L1TD1: variants seen among roughly 807,000 people sequenced by gnomAD.
The protein encoded by L1TD1 is LINE-1 type transposase domain-containing protein 1.
L1TD1 carries 26 observed loss-of-function variants against 25.7 expected under a neutral mutation model. That is an observed-to-expected ratio of 1.01 (90% CI 0.74 to 1.40). The LOEUF (loss-of-function observed/expected upper bound fraction) is 1.40. Ranked by LOEUF, L1TD1 falls within the 40% of genes most tolerant of loss-of-function variation. The pLI, the probability that L1TD1 is intolerant of heterozygous loss-of-function variation, is 0.00. For missense variants in L1TD1, 1,130 were observed against 975.0 expected (o/e 1.16, Z -2.12); for synonymous variants, 421 against 335.6 (o/e 1.25, Z -2.78).
intron 2 of L1TD1, among the ~76,000 whole-genome samples, chr1:62,198,640 G>T (rs1195038680): frequency 6.6e-6 from 1 of 152,036 alleles, no homozygotes; most frequent in African/African-American, 2.4e-5. Flanking sequence ...CCAAGGCAAT[G>T]CAAATCAACA....
chr1:62,198,360 T>A (rs1288182927), intron 2 of L1TD1, among the ~76,000 whole-genome samples: 3 of 146,516 alleles, frequency 2.0e-5, no homozygotes, highest in African/African-American at 7.4e-5. Context: ...CACCTGTACG[T>A]TGTGAGAGAT....
Position 62,211,788 on chromosome 1 carries a change from AC to A in L1TD1, c.*420del. On this transcript the variant is annotated 3_prime_UTR_variant, in exon 4 of 4. Transcript: ENST00000498273. Reference sequence around the variant, plus strand: ...AGACCATCCTGGCTAACACAGTGAAACCCCGTCTCTACTAAAAATAAAAAAA... The same window carrying A: ...AGACCATCCTGGCTAACACAGTGAAACCCGTCTCTACTAAAAATAAAAAAA... The A allele has an allele frequency of 6.6e-6, 1 of 151,926 alleles. No individual in the cohort carries two copies. Among genetic ancestry groups the A allele is most frequent in the African/African-American group, 2.5e-5 (1 of 40,684 alleles). 9.4% of individuals were successfully genotyped at this position (151,926 alleles called of 1,614,324 possible). A position where few individuals can be genotyped will look rare whatever the true frequency, so the allele number is the denominator to read the frequency against.
At chr1:62,195,416 A>G (rs1362053946) in intron 1 of L1TD1, among the ~76,000 whole-genome samples, 1 of 152,270 alleles carries the variant, frequency 6.6e-6, no homozygotes, top group Admixed American at 6.5e-5. Context: ...GAAAAAATAA[A>G]GTCAAGAAAA....
intron 1 of L1TD1, among the ~76,000 whole-genome samples, chr1:62,195,607 C>T (rs944996670): frequency 2.0e-5 from 3 of 151,974 alleles, no homozygotes; most frequent in Non-Finnish European, 4.4e-5. Flanking sequence ...ACAAAATTAG[C>T]CAGGCGTGGT....
intron 2 of L1TD1, among the ~76,000 whole-genome samples, chr1:62,199,429 CAG>C (rs1384084587): frequency 1.3e-5 from 2 of 150,698 alleles, no homozygotes; most frequent in African/African-American, 4.9e-5. Context: ...ACCCAGGAGG[CAG>C]AGTTTGCAGT....
intron 2 of L1TD1, among the ~76,000 whole-genome samples, chr1:62,204,454 T>A (rs1369686614): frequency 6.6e-6 from 1 of 152,250 alleles, no homozygotes; most frequent in Non-Finnish European, 1.5e-5. Flanking sequence ...TTTTAAAATT[T>A]AAATAACTTT....
chr1:62,209,803 A>G lies in L1TD1; in HGVS notation c.1029A>G (p.Ser343=). The part of the protein sequence containing the change: ...QEKRDKTLID[S]KHRAGEITSD... Reference sequence around the variant, plus strand: ...TTCAGGATAAAACCCTAATAGACTCAAAGCATAGAGCTGGAGAAATAACCA... The same window carrying G: ...TTCAGGATAAAACCCTAATAGACTCGAAGCATAGAGCTGGAGAAATAACCA... The change falls in exon 4 of 4, where the codon TCA becomes TCG. Residue 343 remains serine, a synonymous_variant. Transcript: ENST00000498273. 1 of 1,588,856 alleles carries G rather than the reference A, an allele frequency of 6.3e-7. No individual in the cohort carries two copies. The highest frequency in any genetic ancestry group is 8.6e-7 in the Non-Finnish European group (1 of 1,168,498).
Position 62,207,574 on chromosome 1 carries a change from G to A in L1TD1, c.946G>A (p.Val316Ile), listed in dbSNP as rs1670776747. The part of the protein sequence containing the change: ...KSSVKELLKD[V>I]LPQKEEINQG... ...TTCTGTGAAAGAATTACTGAAAGATGTACTCCCACAAAAGGAAGAAATAAA... is the reference window on the plus strand; with the variant it reads ...TTCTGTGAAAGAATTACTGAAAGATATACTCCCACAAAAGGAAGAAATAAA... The change falls in exon 3 of 4, where the codon GTA (valine) becomes ATA (isoleucine). Residue 316 changes from valine to isoleucine, a missense_variant. Transcript: ENST00000498273. 6 of 1,549,262 alleles carry A rather than the reference G, an allele frequency of 3.9e-6. No individual in the cohort carries two copies. The highest frequency in any genetic ancestry group is 1.2e-5 in the South Asian group (1 of 83,590).
At chr1:62,205,435 A>ATTTTTTTTTTTTTTT (rs1220640977) in intron 2 of L1TD1, among the ~76,000 whole-genome samples, 11 of 36,044 alleles carry the variant, frequency 3.1e-4, no homozygotes, top group African/African-American at 4.0e-4. Context: ...ATATATATAT[A>ATTTTTTTTTTTTTTT]TATATATATT....
rs1461351088 is a variant in L1TD1 at position 62,207,256 on chromosome 1, G to C, written c.628G>C (p.Glu210Gln). The part of the protein sequence containing the change: ...RKDGEDEFVK[E>Q]MREERKFQKL... ...GGATGGAGAGGATGAATTTGTCAAA[G>C]AAATGAGAGAGGAAAGAAAATTTCA... The change falls in exon 3 of 4, where the codon GAA becomes CAA. Residue 210 changes from glutamate to glutamine, a missense_variant. Physicochemically the swap from Glu to Gln is conservative, Grantham distance 29. Transcript: ENST00000498273. 1 of 1,551,160 alleles carries C rather than the reference G, an allele frequency of 6.4e-7. No individual in the cohort carries two copies. The highest frequency in any genetic ancestry group is 8.7e-7 in the Non-Finnish European group (1 of 1,146,890).
intron 2 of L1TD1, among the ~76,000 whole-genome samples, chr1:62,198,067 A>T (rs1183855532): frequency 6.6e-6 from 1 of 152,156 alleles, no homozygotes; most frequent in African/African-American, 2.4e-5. Flanking sequence ...TGTTAAAAGT[A>T]TAAAGCTATT....
Position 62,209,785 on chromosome 1 carries a change from T to TA in L1TD1, c.1015dup (p.Thr339AsnfsTer8). 1 of 1,523,680 alleles carries TA rather than the reference T, an allele frequency of 6.6e-7. No individual in the cohort carries two copies. The highest frequency in any genetic ancestry group is 8.9e-7 in the Non-Finnish European group (1 of 1,129,042). The allele number at this position is 1,523,680 out of a possible 1,614,324, so 94.4% of individuals were successfully genotyped here. A position where few individuals can be genotyped will look rare whatever the true frequency, so the allele number is the denominator to read the frequency against. ...TTTCTTCTTTGTTTAACTTTCAGGA[T>TA]AAAACCCTAATAGACTCAAAGCATA... is the stretch of plus-strand genomic sequence containing the variant. On this transcript the variant is annotated frameshift_variant, in exon 4 of 4. Transcript: ENST00000498273. LOFTEE classifies it low-confidence loss of function (END_TRUNC).
Position 62,210,029 on chromosome 1 carries a change from G to GA in L1TD1, c.1257dup (p.Glu420ArgfsTer9). 1 of 1,612,422 alleles carries GA rather than the reference G, an allele frequency of 6.2e-7. No homozygotes were observed. Among genetic ancestry groups the GA allele is most frequent in the Non-Finnish European group, 8.5e-7 (1 of 1,178,926 alleles). On this transcript the variant is annotated frameshift_variant, in exon 4 of 4. Transcript: ENST00000498273. LOFTEE classifies it low-confidence loss of function (END_TRUNC). ...CTCAGGGCTGGAGGAGGAAGAAGAA[G>GA]AAGAGGCTTCAGGGTTGGAGGAGGA...
At chr1:62,206,086 TAAC>T (rs1199710696) in intron 2 of L1TD1, among the ~76,000 whole-genome samples, 2 of 152,222 alleles carry the variant, frequency 1.3e-5, no homozygotes, top group Non-Finnish European at 2.9e-5. Flanking sequence ...GTCTTAATGT[TAAC>T]AATCTCTGCA....
rs115959357 is a variant in L1TD1 at position 62,204,239 on chromosome 1, C to T, written c.-110-2280C>T. On this transcript the variant is annotated intron_variant, in intron 2 of 3. Coordinates refer to ENST00000498273, the MANE Select transcript of L1TD1 (RefSeq NM_019079.5). ...CTGTTTTTCATTTCTTTGATTTGCG[C>T]GCATCTCTTTTGGTTTCTTGGGTAG... Among the ~76,000 whole-genome samples, 551 of 152,062 alleles carry T rather than the reference C, an allele frequency of 3.6e-3. 2 individuals are homozygous for T. The highest frequency in any genetic ancestry group is 9.1e-3 in the South Asian group (44 of 4,810).
At position 62,210,893 on chromosome 1, in the gene L1TD1, A is replaced by C. The variant is rs1670854481; in HGVS notation, c.2119A>C (p.Ile707Leu). The C allele has an allele frequency of 6.4e-7, 1 of 1,551,338 alleles. No homozygotes were observed. The highest frequency in any genetic ancestry group is 1.4e-5 in the African/African-American group (1 of 73,062). ...SRSCNIRLIG[I>L]PEKESYENRA... ...AAGTTGCAACATTCGTTTGATAGGA[A>C]TTCCAGAAAAGGAGAGTTATGAGAA... Residue 707 changes from isoleucine (I) to leucine (L), a missense_variant, in exon 4 of 4, where the codon ATT (isoleucine) becomes CTT (leucine). By Grantham distance (5) the Ile-to-Leu change is conservative (BLOSUM62 2). Coordinates refer to ENST00000498273, the MANE Select transcript of L1TD1 (RefSeq NM_019079.5).
Position 62,207,596 on chromosome 1 carries a change from TAAATC to T in L1TD1, c.971_975del (p.Asn324ArgfsTer13), listed in dbSNP as rs770110725. The stretch of plus-strand genomic sequence containing the variant: ...GATGTACTCCCACAAAAGGAAGAAA[TAAATC>T]AAGGAGGAAGAAAATATGGAATTCA... On this transcript the variant is annotated frameshift_variant, in exon 3 of 4. Transcript: ENST00000498273. LOFTEE classifies it low-confidence loss of function (END_TRUNC). The T allele has an allele frequency of 3.4e-5, 52 of 1,542,724 alleles. No homozygotes were observed. The highest frequency in any genetic ancestry group is 4.9e-5 in the East Asian group (2 of 40,838).
chr1:62,205,388 TTTCTCTCTCTCTC>T (rs1670718709), intron 2 of L1TD1, among the ~76,000 whole-genome samples: 1 of 46,754 alleles, frequency 2.1e-5, no homozygotes, highest in Non-Finnish European at 3.9e-5. Context: ...TCTCTCTCTC[TTTCTCTCTCTCTC>T]TCTCTCTCTC....
intron 2 of L1TD1, 110 bp from the exon 3 acceptor site, chr1:62,206,405 TATTA>T (rs1318738765): frequency 3.6e-6 from 1 of 277,264 alleles, no homozygotes; most frequent in Non-Finnish European, 6.5e-6. Context: ...GTGAACTTTT[TATTA>T]ATTTATTATG....
Sources: allele counts gnomAD v4.1 joint callset (sites outside exome capture counted in the v4.1 genomes callset), GRCh38; gene constraint gnomAD v4.1.1; transcripts MANE v1.5; gene names NCBI Gene and HGNC (gene_info 2026-07-23, HGNC 2026-07-21).